The following MAPK3 variants were observed in gnomAD, a reference collection of about 807,000 sequenced individuals.
The protein encoded by MAPK3 is MAPK 1.
MAPK3 carries 30 observed loss-of-function variants against 41.8 expected under a neutral mutation model. The observed-to-expected ratio is 0.72, with a 90% CI of 0.54 to 0.97. MAPK3 has a LOEUF of 0.97. Ranked by LOEUF, MAPK3 falls within the 50% of genes least tolerant of loss-of-function variation. The pLI is 0.00. For synonymous variants in MAPK3, 222 were observed against 213.4 expected (o/e 1.04, Z -0.35); for missense variants, 413 against 509.9 (o/e 0.81, Z 1.83).
chr16:30,116,460 C>A (rs2072954572), intron 8 of MAPK3, among the ~76,000 whole-genome samples, 176 bp downstream of exon 8: 1 of 152,232 alleles, frequency 6.6e-6, no homozygotes, highest in East Asian at 1.9e-4. Context: ...GGATTCCAGG[C>A]ATGAGCCACC....
chr16:30,117,128 C>T lies in MAPK3; in HGVS notation c.907+26G>A, dbSNP rs773338563. 21 of 1,613,878 alleles carry T rather than the reference C, an allele frequency of 1.3e-5. No homozygotes were observed. In the South Asian group the frequency reaches 2.3e-4, roughly 18 times the overall value. ...CCTCCACGACACCCAAGGTTTATCC[C>T]ACACCCACCCTCATGTCTCTCGAAC... is the stretch of plus-strand genomic sequence containing the variant. On this transcript the variant is annotated intron_variant, in intron 6 of 8. Coordinates refer to ENST00000263025, the MANE Select transcript of MAPK3 (RefSeq NM_002746.3).
chr16:30,122,946 T>G, intron 1 of MAPK3, 94 bp downstream of exon 1: 4 of 1,127,802 alleles, frequency 3.5e-6, no homozygotes, highest in East Asian at 3.3e-5. Context: ...ACGCTCCGCG[T>G]CTCCACGTCC....
intron 8 of MAPK3, among the ~76,000 whole-genome samples, chr16:30,115,151 T>C (rs1460987546): frequency 6.6e-6 from 1 of 151,900 alleles, no homozygotes; most frequent in East Asian, 1.9e-4. Context: ...CCAGGAGTTT[T>C]GAGGCTGCAG....
intron 8 of MAPK3, among the ~76,000 whole-genome samples, chr16:30,115,154 G>A (rs1440003726): frequency 6.6e-6 from 1 of 152,026 alleles, no homozygotes; most frequent in African/African-American, 2.4e-5. Context: ...GGAGTTTTGA[G>A]GCTGCAGTGA....
At chr16:30,119,124 A>G (rs989734661) in intron 2 of MAPK3, among the ~76,000 whole-genome samples, 1 of 151,230 alleles carries the variant, frequency 6.6e-6, no homozygotes, top group African/African-American at 2.4e-5. Context: ...CCCGGATGAC[A>G]GAGTGAGACT....
At position 30,117,288 on chromosome 16, in the gene MAPK3, G is replaced by A; in HGVS notation, c.776-3C>T. On this transcript the variant is annotated splice_polypyrimidine_tract_variant and splice_region_variant and intron_variant, in intron 5 of 8. Transcript: ENST00000263025. ...CTGGGATGGGGAGCCCAGGATGCCTGTGGATAAGGAGGTGACTTGGTAAAT... is the reference window on the plus strand; with the variant it reads ...CTGGGATGGGGAGCCCAGGATGCCTATGGATAAGGAGGTGACTTGGTAAAT... 6 of 1,613,840 alleles carry A rather than the reference G, an allele frequency of 3.7e-6. No homozygotes were observed. The highest frequency in any genetic ancestry group is 5.1e-6 in the Non-Finnish European group (6 of 1,179,902).
intron 1 of MAPK3, chr16:30,122,294 G>A (rs1056880286): frequency 4.1e-6 from 2 of 482,158 alleles, no homozygotes; most frequent in South Asian, 4.3e-5. Context: ...TGAACCCTTC[G>A]CCCCCATTCC....
chr16:30,117,948 G>C, intron 4 of MAPK3, 99 bp downstream of exon 4: 1 of 1,208,546 alleles, frequency 8.3e-7, no homozygotes, highest in Non-Finnish European at 1.2e-6. Context: ...CCAGAGGGTA[G>C]AATTCCTGTG....
chr16:30,118,792 G>T (rs2072986298), intron 2 of MAPK3, among the ~76,000 whole-genome samples: 1 of 152,038 alleles, frequency 6.6e-6, no homozygotes, highest in African/African-American at 2.4e-5. Flanking sequence ...TTCCCTACCG[G>T]GGAAACGGGG....
chr16:30,117,070 C>T, intron 6 of MAPK3, 67 bp from the exon 7 acceptor site: 2 of 1,598,082 alleles, frequency 1.3e-6, no homozygotes, highest in Non-Finnish European at 8.6e-7. Flanking sequence ...ATTGCTTTGC[C>T]TGTCTCCTCC....
rs763180481 is a variant in MAPK3, at chr16:30,118,583, G to A, written c.354-45C>T. ...CCCCCCCAGGCAGGGGGCAGTGGGA[G>A]GCACTTGGTTAAGGAAAACAGGCTC... On this transcript the variant is annotated intron_variant, in intron 2 of 8. Transcript: ENST00000263025. 5 of 1,544,186 alleles carry A rather than the reference G, an allele frequency of 3.2e-6. No individual in the cohort carries two copies. The South Asian group carries it at 5.8e-5, about 18-fold the overall frequency.
chr16:30,123,026 GAAC>G lies in MAPK3; in HGVS notation c.170+11_170+13del. 6.8e-7 allele frequency: 1 copy of G among 1,463,644 alleles called. No homozygotes were observed. Among genetic ancestry groups the G allele is most frequent in the Non-Finnish European group, 9.1e-7 (1 of 1,104,484 alleles). The allele number at this position is 1,463,644 out of a possible 1,614,324, so 90.7% of individuals were successfully genotyped here. ...TCCCCTGAGGGCACCCCCTCCCCCG[GAAC>G]GCCCCCTCACCTGACCATGCCGTAC... On this transcript the variant is annotated intron_variant, in intron 1 of 8. Coordinates refer to ENST00000263025, the MANE Select transcript of MAPK3 (RefSeq NM_002746.3).
At position 30,118,472 on chromosome 16, in the gene MAPK3, A is replaced by T; in HGVS notation, c.420T>A (p.Asn140Lys). The change falls in exon 3 of 9, where the codon AAT (asparagine) becomes AAA (lysine). Residue 140 changes from asparagine to lysine, a missense_variant. Physicochemically the swap from Asn to Lys is moderately conservative, Grantham distance 94 (BLOSUM62 0). Around this residue, in one of 4 missense-constraint regions of MAPK3, gnomAD observed 140 missense variants for 206.0 expected, o/e 0.68. Coordinates refer to ENST00000263025, the MANE Select transcript of MAPK3 (RefSeq NM_002746.3). ...YKLLKSQQLS[N>K]DHICYFLYQI... ...GGTAGAGGAAGTAGCAGATATGGTCATTGCTCAGCTGCTGGCTTTTCAGCA... is the reference window on the plus strand; with the variant it reads ...GGTAGAGGAAGTAGCAGATATGGTCTTTGCTCAGCTGCTGGCTTTTCAGCA... 6.2e-7 allele frequency: 1 copy of T among 1,613,892 alleles called. No homozygotes were observed. The highest frequency in any genetic ancestry group is 8.5e-7 in the Non-Finnish European group (1 of 1,179,976).
In MAPK3 at chr16:30,118,062, G is replaced by A. The variant is rs61736374; in HGVS notation, c.645C>T (p.Ile215=). The A allele has an allele frequency of 2.3e-5, 37 of 1,614,048 alleles. No homozygotes were observed. Among genetic ancestry groups the A allele is most frequent in the South Asian group, 7.7e-5 (7 of 91,084 alleles). The change falls in exon 4 of 9, where the codon ATC becomes ATT. Residue 215 remains isoleucine, a synonymous_variant. Coordinates refer to ENST00000263025, the MANE Select transcript of MAPK3 (RefSeq NM_002746.3). ...VATRWYRAPE[I]MLNSKGYTKS... ...CCCCTCCTACCTTGGAGTTCAGCAT[G>A]ATCTCTGGGGCCCGGTACCAGCGCG...
intron 1 of MAPK3, 75 bp downstream of exon 1, chr16:30,122,965 G>A: frequency 5.6e-6 from 7 of 1,258,682 alleles, no homozygotes; most frequent in Non-Finnish European, 6.3e-6. Flanking sequence ...CCCGGAAAGC[G>A]CTCGGCGCCT....
intron 3 of MAPK3, 79 bp downstream of exon 3, chr16:30,118,270 C>G: frequency 6.4e-7 from 1 of 1,573,890 alleles, no homozygotes; most frequent in Non-Finnish European, 8.7e-7. Flanking sequence ...GCAATGTTCT[C>G]CTGCCCAAGG....
rs2072983306 is a variant in MAPK3 at position 30,118,557 on chromosome 16, A to T, written c.354-19T>A. On this transcript the variant is annotated intron_variant, in intron 2 of 8. Coordinates refer to ENST00000263025, the MANE Select transcript of MAPK3 (RefSeq NM_002746.3). ...AATGTAGCTGAGGATGGTTCCGCAG[A>T]CCCCCCCAGGCAGGGGGCAGTGGGA... 1.3e-6 allele frequency: 2 copies of T among 1,593,396 alleles called. No homozygotes were observed. The highest frequency in any genetic ancestry group is 2.2e-5 in the South Asian group (2 of 88,904).
chr16:30,122,988 C>A (rs2151048530), intron 1 of MAPK3, 52 bp downstream of exon 1: 1 of 1,381,890 alleles, frequency 7.2e-7, no homozygotes, highest in East Asian at 3.0e-5. Context: ...TCCTCCTCTC[C>A]CGCGAAGCCC....
In MAPK3 at chr16:30,116,689, G is replaced by A. The variant is rs766545784; in HGVS notation, c.1119C>T (p.Pro373=). 46 of 1,613,508 alleles carry A rather than the reference G, an allele frequency of 2.9e-5. No homozygotes were observed. The highest frequency in any genetic ancestry group is 1.1e-4 in the South Asian group (10 of 91,066). Residue 373 remains proline, a synonymous_variant, in exon 8 of 9, where the codon CCC becomes CCT. Coordinates refer to ENST00000263025, the MANE Select transcript of MAPK3 (RefSeq NM_002746.3). ...LIFQETARFQ[P]GVLEAP Reference sequence around the variant, plus strand: ...TGGGCTAGGGGGCCTCCAGCACTCCGGGCTGGAAGCGTGCTGTCTCCTGGA... The same window carrying A: ...TGGGCTAGGGGGCCTCCAGCACTCCAGGCTGGAAGCGTGCTGTCTCCTGGA...
Sources: gnomAD v4.1 joint callset for allele counts (sites outside exome capture counted in the v4.1 genomes callset) on GRCh38, gnomAD v4.1.1 for gene constraint, gnomAD v4.1.1 regional missense constraint, MANE v1.5 for transcripts, NCBI Gene and HGNC (gene_info 2026-07-23, HGNC 2026-07-21) for gene names.